ZNF347: variants seen among roughly 807,000 people sequenced by gnomAD.
The protein encoded by ZNF347 is CTD-2620I22.7.
Under a neutral mutation model 12.9 loss-of-function variants are expected in ZNF347, and 19 were observed. The observed-to-expected ratio is 1.47, with a 90% CI of 1.03 to 2.16. The LOEUF (loss-of-function observed/expected upper bound fraction) is 2.16, where lower values mean the gene tolerates loss of function less well. Among genes scored for constraint, ZNF347 ranks in the 30% most tolerant of loss-of-function variants. The pLI is 0.00. For synonymous variants in ZNF347, 328 were observed against 340.6 expected, an observed-to-expected ratio of 0.96 and a Z score of 0.41; for missense variants, 1,005 against 990.6, an observed-to-expected ratio of 1.01 and a Z score of -0.19.
intron 4 of ZNF347, among the ~76,000 whole-genome samples, chr19:53,144,264 A>G (rs561154776): frequency 6.6e-6 from 1 of 152,332 alleles, no homozygotes; most frequent in Admixed American, 6.5e-5. Flanking sequence ...ATACATGTAG[A>G]CAAAAAGTGA....
At chr19:53,155,786 GT>G (rs2090529750) in intron 1 of ZNF347, among the ~76,000 whole-genome samples, 1 of 152,144 alleles carries the variant, frequency 6.6e-6, no homozygotes, top group African/African-American at 2.4e-5. Flanking sequence ...AGTGAGGCTG[GT>G]ACATGGTACA....
In ZNF347 at chr19:53,140,064, C is replaced by T. The variant is rs2146796289; in HGVS notation, c.*244G>A. 2.4e-6 allele frequency: 1 copy of T among 418,304 alleles called. No individual in the cohort carries two copies. The highest frequency in any genetic ancestry group is 2.0e-5 in the African/African-American group (1 of 49,904). 25.9% of individuals were successfully genotyped at this position (418,304 alleles called of 1,614,324 possible). A position where few individuals can be genotyped will look rare whatever the true frequency, so the allele number is the denominator to read the frequency against. On this transcript the variant is annotated 3_prime_UTR_variant, in exon 5 of 5. Coordinates refer to ENST00000334197, the MANE Select transcript of ZNF347 (RefSeq NM_032584.3). Reference sequence around the variant, plus strand: ...TACAGGCGCACGCCACCAGGCCTAGCTAATTGTGTACTTTTAGTAGAAATG... The same window carrying T: ...TACAGGCGCACGCCACCAGGCCTAGTTAATTGTGTACTTTTAGTAGAAATG...
intron 1 of ZNF347, among the ~76,000 whole-genome samples, chr19:53,158,219 C>A (rs1011370687): frequency 9.9e-5 from 15 of 152,206 alleles, no homozygotes; most frequent in Admixed American, 9.8e-4. Flanking sequence ...GCGGGGACTG[C>A]GAAGGGGAGG....
At chr19:53,149,074 G>A in intron 3 of ZNF347, 167 bp downstream of exon 3, 1 of 1,384,044 alleles carries the variant, frequency 7.2e-7, no homozygotes. Context: ...AGTGACATCA[G>A]GAAGAGGAAA....
intron 2 of ZNF347, among the ~76,000 whole-genome samples, chr19:53,151,930 TA>T (rs2090500725): frequency 6.6e-6 from 1 of 151,664 alleles, no homozygotes; most frequent in South Asian, 2.1e-4. Flanking sequence ...CCATCTCTAC[TA>T]AAAATACAGA....
At position 53,137,708 on chromosome 19, in the gene ZNF347, T is replaced by G. The variant is rs1296818393; in HGVS notation, c.*2600A>C. The G allele has an allele frequency of 6.6e-6, 1 of 152,226 alleles. No individual in the cohort carries two copies. Among genetic ancestry groups the G allele is most frequent in the Non-Finnish European group, 1.5e-5 (1 of 68,038 alleles). 9.4% of individuals were successfully genotyped at this position (152,226 alleles called of 1,614,324 possible). A position where few individuals can be genotyped will look rare whatever the true frequency, so the allele number is the denominator to read the frequency against. ...ACAAAATTTCCATTATATATGTTCA[T>G]TTTTAAGAGGAAACTCATGAATATT... On this transcript the variant is annotated 3_prime_UTR_variant, in exon 5 of 5. Coordinates refer to ENST00000334197, the MANE Select transcript of ZNF347 (RefSeq NM_032584.3).
Position 53,141,052 on chromosome 19 carries a change from A to C in ZNF347, c.1776T>G (p.Thr592=). The C allele has an allele frequency of 6.2e-7, 1 of 1,613,400 alleles. No homozygotes were observed. Among genetic ancestry groups the C allele is most frequent in the Non-Finnish European group, 8.5e-7 (1 of 1,179,920 alleles). Residue 592 remains threonine, a synonymous_variant, in exon 5 of 5, where the codon ACT becomes ACG. Transcript: ENST00000334197. ...CATTACATTTATAAGGTTTCTCTCC[A>C]GTATGAATTCCCCGATGTCTTGCAA... The part of the protein sequence containing the change: ...SHLARHRGIH[T]GEKPYKCNEC...
chr19:53,143,085 A>G (rs2090440135), intron 4 of ZNF347, among the ~76,000 whole-genome samples: 1 of 152,216 alleles, frequency 6.6e-6, no homozygotes. Flanking sequence ...CACAACATAA[A>G]TTGCGACATA....
At position 53,141,507 on chromosome 19, in the gene ZNF347, G is replaced by A. The variant is rs187812061; in HGVS notation, c.1321C>T (p.Arg441Cys). The part of the protein sequence containing the change: ...CNECGKAFGV[R>C]SSLAIHLVIH... ...ACCAGATGAATAGCTAGGCTTGAAC[G>A]AACACCAAAGGCTTTGCCGCACTCA... The change falls in exon 5 of 5, where the codon CGT becomes TGT. Residue 441 changes from arginine to cysteine, a missense_variant. By Grantham distance (180) the Arg-to-Cys change is radical. Transcript: ENST00000334197. 1.9e-5 allele frequency: 30 copies of A among 1,611,740 alleles called. 1 individual carries two copies. In the Admixed American group the frequency reaches 2.5e-4, roughly 13 times the overall value.
At chr19:53,153,400 C>G (rs1297108347) in intron 2 of ZNF347, among the ~76,000 whole-genome samples, 1 of 152,224 alleles carries the variant, frequency 6.6e-6, no homozygotes, top group Admixed American at 6.5e-5. Context: ...TCCTGCTCCA[C>G]AGAGAGCTGA....
At chr19:53,149,747 C>T (rs773086743) in intron 2 of ZNF347, among the ~76,000 whole-genome samples, 29 of 152,078 alleles carry the variant, frequency 1.9e-4, no homozygotes, top group Non-Finnish European at 3.8e-4. Flanking sequence ...TGTAAGCAAT[C>T]GTGCCCACTT....
At chr19:53,155,887 G>GC (rs1234283459) in intron 1 of ZNF347, among the ~76,000 whole-genome samples, 1 of 152,078 alleles carries the variant, frequency 6.6e-6, no homozygotes, top group Non-Finnish European at 1.5e-5. Context: ...AGGTGGGTGG[G>GC]CCACTTGGAG....
intron 4 of ZNF347, among the ~76,000 whole-genome samples, chr19:53,146,826 T>C (rs904807794): frequency 6.8e-6 from 1 of 147,050 alleles, no homozygotes; most frequent in Admixed American, 6.8e-5. Flanking sequence ...CATGAAGAAA[T>C]AGAAAACCTG....
rs759078440 is a variant in ZNF347 at position 53,141,713 on chromosome 19, G to A, written c.1115C>T (p.Pro372Leu). 2 of 1,613,960 alleles carry A rather than the reference G, an allele frequency of 1.2e-6. No individual in the cohort carries two copies. Among genetic ancestry groups the A allele is most frequent in the South Asian group, 2.2e-5 (2 of 91,074 alleles). ...TTTCCCACACTCATTACACTTGTAA[G>A]GTTTCTCTCCAGTATGAATTCCTCG... ...RHRGIHTGEKPYKCNECGKAF... is the reference protein window; with the variant it reads ...RHRGIHTGEKLYKCNECGKAF... The change falls in exon 5 of 5, where the codon CCT becomes CTT. Residue 372 changes from proline (P) to leucine (L), a missense_variant. By Grantham distance (98) the Pro-to-Leu change is moderately conservative. Coordinates refer to ENST00000334197, the MANE Select transcript of ZNF347 (RefSeq NM_032584.3).
rs143922814 is a variant in ZNF347 at position 53,142,331 on chromosome 19, C to T, written c.497G>A (p.Gly166Glu). The change falls in exon 5 of 5, where the codon GGA becomes GAA. Residue 166 changes from glycine (G) to glutamate (E), a missense_variant. Transcript: ENST00000334197. Reference protein sequence around the residue: ...LLTQEGNLTHGRDEHDKRDAR... With the variant: ...LLTQEGNLTHERDEHDKRDAR... Reference sequence around the variant, plus strand: ...ATCTCTTTTATCATGTTCATCTCTTCCATGAGTGAGATTGCCTTCTTGGGT... The same window carrying T: ...ATCTCTTTTATCATGTTCATCTCTTTCATGAGTGAGATTGCCTTCTTGGGT... 6 of 1,613,978 alleles carry T rather than the reference C, an allele frequency of 3.7e-6. No homozygotes were observed. The African/African-American group carries it at 6.7e-5, about 18-fold the overall frequency.
rs2090389485 is a variant in ZNF347 at position 53,136,649 on chromosome 19, T to C, written c.*3659A>G. ...CCATAAACTGAACAAGACATGAATA[T>C]AACACAGCCTTTGGAAAAATGCCCT... On this transcript the variant is annotated 3_prime_UTR_variant, in exon 5 of 5. Transcript: ENST00000334197. The C allele has an allele frequency of 6.6e-6, 1 of 152,076 alleles. No homozygotes were observed. The highest frequency in any genetic ancestry group is 1.5e-5 in the Non-Finnish European group (1 of 68,014). The allele number at this position is 152,076 out of a possible 1,614,324, so 9.4% of individuals were successfully genotyped here.
chr19:53,141,564 T>C lies in ZNF347; in HGVS notation c.1264A>G (p.Ile422Val), dbSNP rs761695447. 5 of 1,613,956 alleles carry C rather than the reference T, an allele frequency of 3.1e-6. No individual in the cohort carries two copies. In the African/African-American group the frequency reaches 6.7e-5, roughly 22 times the overall value. Reference protein sequence around the residue: ...QNSHLTNHWRIHTGEKPYKCN... With the variant: ...QNSHLTNHWRVHTGEKPYKCN... ...TTGTAAGGTTTCTCTCCAGTGTGAA[T>C]TCTCCAGTGATTTGTAAGGTGTGAA... The change falls in exon 5 of 5, where the codon ATT becomes GTT. Residue 422 changes from isoleucine to valine, a missense_variant. Physicochemically the swap from Ile to Val is conservative, Grantham distance 29. Transcript: ENST00000334197.
intron 4 of ZNF347, among the ~76,000 whole-genome samples, chr19:53,145,394 T>C (rs2090456674): frequency 6.6e-6 from 1 of 150,512 alleles, no homozygotes; most frequent in Admixed American, 6.6e-5. Flanking sequence ...ATAAAACATT[T>C]CTTTTTTTTT....
In ZNF347 at chr19:53,135,339, T is replaced by TATAGAGAGAGAGAGAG. The variant is rs2090381896; in HGVS notation, c.*4968_*4969insCTCTCTCTCTCTCTAT. 3.5e-5 allele frequency: 3 copies of TATAGAGAGAGAGAGAG among 85,252 alleles called. No homozygotes were observed. The highest frequency in any genetic ancestry group is 1.7e-4 in the African/African-American group (3 of 17,156). The allele number at this position is 85,252 out of a possible 1,614,324, so 5.3% of individuals were successfully genotyped here. ...ATATATATATATATATATATATATA[T>TATAGAGAGAGAGAGAG]AGAGAGAGAGAGAGAGAGAGAGAGA... On this transcript the variant is annotated 3_prime_UTR_variant, in exon 5 of 5. Transcript: ENST00000334197.
Sources: allele counts gnomAD v4.1 joint callset (sites outside exome capture counted in the v4.1 genomes callset), GRCh38; gene constraint gnomAD v4.1.1; transcripts MANE v1.5; gene names NCBI Gene and HGNC (gene_info 2026-07-23, HGNC 2026-07-21).